Variants in GARNL3 observed in about 807,000 individuals in gnomAD.
GARNL3 encodes the protein GTPase-activating Rap/Ran-GAP domain-like protein 3.
A neutral mutation model predicts 125.0 loss-of-function variants in GARNL3; 63 were observed. That is an observed-to-expected ratio of 0.50 (90% CI 0.41 to 0.62). GARNL3 has a LOEUF of 0.62. Ranked by LOEUF, GARNL3 falls within the 20% of genes least tolerant of loss-of-function variation. The probability of loss-of-function intolerance (pLI) is 0.00; values close to 1 mark genes in which losing one functional copy is unlikely to be tolerated. For synonymous variants in GARNL3, 439 were observed against 457.5 expected, an observed-to-expected ratio of 0.96 and a Z score of 0.52; for missense variants, 994 against 1,244.0, an observed-to-expected ratio of 0.80 and a Z score of 3.02.
chr9:127,305,111 C>T (rs989091481), intron 2 of GARNL3, among the ~76,000 whole-genome samples: 24 of 152,256 alleles, frequency 1.6e-4, no homozygotes, highest in African/African-American at 5.8e-4. Flanking sequence ...CAGTGGTTCT[C>T]TTTTGGCATG....
At chr9:127,354,445 G>GC (rs1830579104) in intron 19 of GARNL3, 35 bp downstream of exon 19, 1 of 944,378 alleles carries the variant, frequency 1.1e-6, no homozygotes, top group Non-Finnish European at 1.5e-6. Flanking sequence ...CATTCGATTC[G>GC]TTTTTTTTTT....
At chr9:127,339,296 C>CAAA (rs58392654) in intron 12 of GARNL3, among the ~76,000 whole-genome samples, 5 of 120,896 alleles carry the variant, frequency 4.1e-5, no homozygotes, top group East Asian at 2.4e-4. Flanking sequence ...GACTCCGTCT[C>CAAA]AAAAAAAAAA....
intron 10 of GARNL3, 44 bp downstream of exon 10, chr9:127,335,377 G>T (rs1233541205): frequency 7.3e-7 from 1 of 1,377,404 alleles, no homozygotes; most frequent in South Asian, 1.2e-5. Context: ...TGTGAATGTG[G>T]AGAGGGCACC....
At chr9:127,283,621 A>G (rs2064160288) in intron 1 of GARNL3, among the ~76,000 whole-genome samples, 1 of 152,184 alleles carries the variant, frequency 6.6e-6, no homozygotes, top group African/African-American at 2.4e-5. Flanking sequence ...AGTGAGCCAT[A>G]ATTGTGCCAC....
chr9:127,378,557 A>G lies in GARNL3; in HGVS notation c.2162-4881A>G, dbSNP rs1003763798. Among the ~76,000 whole-genome samples, 7 of 145,020 alleles carry G rather than the reference A, an allele frequency of 4.8e-5. No individual in the cohort carries two copies. In the South Asian group the frequency reaches 1.3e-3, roughly 28 times the overall value. On this transcript the variant is annotated intron_variant, in intron 22 of 27. Coordinates refer to ENST00000373387, the MANE Select transcript of GARNL3 (RefSeq NM_032293.5). ...AGCCGAGATCGTGCCATTGCATTTC[A>G]GCCTAGGCAACAAGAGTGAAACTCC...
At chr9:127,390,874 GC>G (rs973327783) in intron 27 of GARNL3, 107 bp downstream of exon 27, 11 of 1,184,174 alleles carry the variant, frequency 9.3e-6, no homozygotes, top group Non-Finnish European at 1.3e-5. Context: ...GCCCCTGGCA[GC>G]TACAGCAGAG....
At chr9:127,383,873 G>A (rs1382408264) in intron 23 of GARNL3, among the ~76,000 whole-genome samples, 2 of 152,146 alleles carry the variant, frequency 1.3e-5, no homozygotes, top group African/African-American at 2.4e-5. Flanking sequence ...TAAAATTCAA[G>A]TGTAAGGTCT....
At chr9:127,346,066 A>T (rs1830120524) in intron 16 of GARNL3, among the ~76,000 whole-genome samples, 1 of 152,224 alleles carries the variant, frequency 6.6e-6, no homozygotes, top group Non-Finnish European at 1.5e-5. Flanking sequence ...CTTAATCTAC[A>T]GTTCACTCAG....
intron 4 of GARNL3, among the ~76,000 whole-genome samples, chr9:127,314,120 G>A (rs1212011477): frequency 6.6e-6 from 1 of 152,176 alleles, no homozygotes; most frequent in African/African-American, 2.4e-5. Context: ...TTTGCCTTTT[G>A]TTGTAAAGTC....
chr9:127,363,907 A>G (rs1831145005), intron 21 of GARNL3: 1 of 152,240 alleles, frequency 6.6e-6, no homozygotes, highest in Non-Finnish European at 1.5e-5. Context: ...GCCCTGTGCT[A>G]AAATCTCTGC....
rs189114501 is a variant in GARNL3 at position 127,280,788 on chromosome 9, A to G, written c.145-10380A>G. Among the ~76,000 whole-genome samples, 169 of 152,344 alleles carry G rather than the reference A, an allele frequency of 1.1e-3. 2 individuals carry two copies. Among genetic ancestry groups the G allele is most frequent in the Non-Finnish European group, 1.9e-4 (13 of 68,040 alleles). On this transcript the variant is annotated intron_variant, in intron 1 of 27. Coordinates refer to ENST00000373387, the MANE Select transcript of GARNL3 (RefSeq NM_032293.5). This position sits in a 1 kb window ranked among gnomAD's most constrained non-coding sequence, Gnocchi z 4.5. ...CAGGTATATTTTGAGCTGGAAAGCTACATGACAGTGCTTATCCTGAATTGC... is the reference window on the plus strand; with the variant it reads ...CAGGTATATTTTGAGCTGGAAAGCTGCATGACAGTGCTTATCCTGAATTGC...
At chr9:127,353,286 A>C (rs1454811139) in intron 17 of GARNL3, among the ~76,000 whole-genome samples, 1 of 152,214 alleles carries the variant, frequency 6.6e-6, no homozygotes, top group Non-Finnish European at 1.5e-5. Context: ...TTGGGAAAAA[A>C]TACTGAAAAT....
chr9:127,250,429 G>A (rs2063380753), intron 2 of GARNL3, among the ~76,000 whole-genome samples: 1 of 152,202 alleles, frequency 6.6e-6, no homozygotes, highest in African/African-American at 2.4e-5. Context: ...GAGAAGACAT[G>A]GGAGATGACT....
Position 127,239,708 on chromosome 9 carries a change from C to T in GARNL3, c.-28-3371C>T, listed in dbSNP as rs1217312847. On this transcript the variant is annotated intron_variant, in intron 1 of 10. Coordinates refer to the GARNL3 transcript ENST00000439286. The stretch of plus-strand genomic sequence containing the variant: ...AAATATGTCAGAAGGTTAAGAGGAA[C>T]ATATTTTTTAAAATTAGAAAGTTAG... Among the ~76,000 whole-genome samples, 3 of 151,914 alleles carry T rather than the reference C, an allele frequency of 2.0e-5. No individual in the cohort carries two copies. In the East Asian group the frequency reaches 5.8e-4, roughly 29 times the overall value.
At chr9:127,377,955 T>C (rs1452516300) in intron 22 of GARNL3, among the ~76,000 whole-genome samples, 1 of 151,608 alleles carries the variant, frequency 6.6e-6, no homozygotes, top group Non-Finnish European at 1.5e-5. Context: ...ATATCATTAG[T>C]ATAGGCTGGG....
intron 2 of GARNL3, among the ~76,000 whole-genome samples, chr9:127,309,237 G>T (rs959730320): frequency 6.6e-6 from 1 of 152,198 alleles, no homozygotes; most frequent in Non-Finnish European, 1.5e-5. Flanking sequence ...ACTGGTTTCA[G>T]TTCCAGCTCC....
intron 1 of GARNL3, among the ~76,000 whole-genome samples, chr9:127,289,047 C>T (rs982860817): frequency 6.6e-5 from 10 of 152,232 alleles, no homozygotes; most frequent in East Asian, 1.9e-4. Flanking sequence ...CAGTAACACT[C>T]TACCTGAAAT....
upstream of GARNL3, chr9:127,263,847 C>T (rs2063644359): frequency 1.5e-6 from 2 of 1,323,682 alleles, no homozygotes; most frequent in Admixed American, 7.2e-5. Flanking sequence ...AATCTCATTT[C>T]TCTCATGCTG....
At chr9:127,247,708 A>G (rs1797190716) in intron 2 of GARNL3, among the ~76,000 whole-genome samples, 3 of 152,300 alleles carry the variant, frequency 2.0e-5, no homozygotes, top group South Asian at 4.1e-4. Context: ...CAGTTATGCA[A>G]TGTGTTATAA....
Sources: gnomAD v4.1 joint callset for allele counts (sites outside exome capture counted in the v4.1 genomes callset) on GRCh38, gnomAD v4.1.1 for gene constraint, Gnocchi (gnomAD v3.1) non-coding constraint, MANE v1.5 for transcripts, NCBI Gene and HGNC (gene_info 2026-07-23, HGNC 2026-07-21) for gene names.